The following SFMBT2 variants were observed in gnomAD, a reference collection of about 807,000 sequenced individuals.
SFMBT2 encodes Scm like with four mbt domains 2.
A neutral mutation model predicts 110.1 loss-of-function variants in SFMBT2; 38 were observed. That is an observed-to-expected ratio of 0.35 (90% CI 0.27 to 0.45). The LOEUF is 0.45. Among genes scored for constraint, SFMBT2 ranks in the 20% least tolerant of loss-of-function variants. The pLI, the probability that SFMBT2 is intolerant of heterozygous loss-of-function variation, is 1.00. For missense variants in SFMBT2, 1,011 were observed against 1,094.9 expected, an observed-to-expected ratio of 0.92 and a Z score of 1.08; for synonymous variants, 425 against 425.4, an observed-to-expected ratio of 1.00 and a Z score of 0.01.
At chr10:7,336,797 A>T (rs1015228020) in intron 4 of SFMBT2, among the ~76,000 whole-genome samples, 3 of 152,210 alleles carry the variant, frequency 2.0e-5, no homozygotes, top group African/African-American at 7.2e-5. Flanking sequence ...AAGGCCACTG[A>T]GTTTCACACT....
intron 7 of SFMBT2, among the ~76,000 whole-genome samples, chr10:7,272,724 A>G (rs1841631974): frequency 6.6e-6 from 1 of 152,156 alleles, no homozygotes; most frequent in African/African-American, 2.4e-5. Context: ...CAAAGAGGAA[A>G]TACTACAGGA....
At position 7,329,165 on chromosome 10, in the gene SFMBT2, A is replaced by G. The variant is rs142948236; in HGVS notation, c.436+38484T>C. 2.3e-3 allele frequency among the ~76,000 whole-genome samples: 355 copies of G among 152,356 alleles called. 1 individual carries two copies. Among genetic ancestry groups the G allele is most frequent in the African/African-American group, 8.2e-3 (343 of 41,590 alleles). On this transcript the variant is annotated intron_variant, in intron 4 of 20. Transcript: ENST00000397167. The stretch of plus-strand genomic sequence containing the variant: ...AACAGTACAATCTCAGTAGCATTTC[A>G]CGGACTAAGAAATGTCATGGCTGAG...
chr10:7,216,636 C>T (rs1839552304), intron 11 of SFMBT2, among the ~76,000 whole-genome samples: 1 of 152,140 alleles, frequency 6.6e-6, no homozygotes, highest in Admixed American at 6.5e-5. Flanking sequence ...GCTAGTGCCC[C>T]GTTTGCTTCT....
intron 1 of SFMBT2, among the ~76,000 whole-genome samples, chr10:7,385,818 T>C (rs1845585471): frequency 6.6e-6 from 1 of 152,100 alleles, no homozygotes; most frequent in East Asian, 1.9e-4. Flanking sequence ...GCTAACACGG[T>C]GAAACCCCGT....
intron 16 of SFMBT2, among the ~76,000 whole-genome samples, chr10:7,185,274 C>T (rs1252089074): frequency 1.3e-5 from 2 of 152,194 alleles, no homozygotes; most frequent in African/African-American, 2.4e-5. Context: ...TCACCTCGTG[C>T]GTTTTCAGGA....
At chr10:7,382,324 C>T (rs535665530) in intron 1 of SFMBT2, among the ~76,000 whole-genome samples, 1 of 152,074 alleles carries the variant, frequency 6.6e-6, no homozygotes, top group African/African-American at 2.4e-5. Context: ...GCAGGAGAAT[C>T]GCTTGAACCT....
intron 1 of SFMBT2, among the ~76,000 whole-genome samples, chr10:7,403,712 G>A (rs530589723): frequency 6.6e-6 from 1 of 152,152 alleles, no homozygotes; most frequent in African/African-American, 2.4e-5. Context: ...AAGCAATCAA[G>A]AGGTTACAAT....
At position 7,408,675 on chromosome 10, in the gene SFMBT2, C is replaced by T. The variant is rs1846289340; in HGVS notation, c.-52+2186G>A. 6.6e-6 allele frequency: 1 copy of T among 152,210 alleles called. No homozygotes were observed. The highest frequency in any genetic ancestry group is 1.5e-5 in the Non-Finnish European group (1 of 68,056). 9.4% of individuals were successfully genotyped at this position (152,210 alleles called of 1,614,324 possible). Reference sequence around the variant, plus strand: ...CGGCCGCGTCCTGGCCACGGGCGACCCCTGTCGGGAACCCTGTTCCCGGCT... The same window carrying T: ...CGGCCGCGTCCTGGCCACGGGCGACTCCTGTCGGGAACCCTGTTCCCGGCT... On this transcript the variant is annotated intron_variant, in intron 1 of 20. Coordinates refer to ENST00000397167, the MANE Select transcript of SFMBT2 (RefSeq NM_001387889.1). This position sits in a 1 kb window ranked among gnomAD's most constrained non-coding sequence, Gnocchi z 5.7.
At chr10:7,283,480 A>C (rs1444946388) in intron 6 of SFMBT2, among the ~76,000 whole-genome samples, 1 of 152,206 alleles carries the variant, frequency 6.6e-6, no homozygotes, top group African/African-American at 2.4e-5. Flanking sequence ...ATGAATAGAT[A>C]AATGGATAGA....
At chr10:7,356,555 G>A (rs1844521761) in intron 4 of SFMBT2, among the ~76,000 whole-genome samples, 1 of 152,194 alleles carries the variant, frequency 6.6e-6, no homozygotes. Context: ...AGGGATTACA[G>A]GCATGTGCCA....
chr10:7,237,219 G>A (rs1324021737), intron 9 of SFMBT2, among the ~76,000 whole-genome samples: 1 of 152,206 alleles, frequency 6.6e-6, no homozygotes, highest in African/African-American at 2.4e-5. Flanking sequence ...TACACTTGGG[G>A]ACATTGGATG....
chr10:7,359,060 G>A (rs1844622876), intron 4 of SFMBT2, among the ~76,000 whole-genome samples: 2 of 152,212 alleles, frequency 1.3e-5, no homozygotes, highest in Non-Finnish European at 2.9e-5. Flanking sequence ...GCACGAAGAA[G>A]AGTGAACAGG....
chr10:7,186,475 A>ATATATATATATATATATATATATATAT (rs1345076690), intron 16 of SFMBT2, among the ~76,000 whole-genome samples: 3 of 136,586 alleles, frequency 2.2e-5, no homozygotes, highest in South Asian at 2.2e-4. Context: ...TATATATATA[A>ATATATATATATATATATATATATATAT]AAATATTTTA....
chr10:7,323,584 T>C (rs1040104996), intron 4 of SFMBT2, among the ~76,000 whole-genome samples: 2 of 151,744 alleles, frequency 1.3e-5, no homozygotes, highest in Admixed American at 6.6e-5. Flanking sequence ...ACTATAGTGG[T>C]TTTTTCAATC....
chr10:7,290,894 G>A (rs974153557), intron 4 of SFMBT2, among the ~76,000 whole-genome samples: 2 of 152,206 alleles, frequency 1.3e-5, no homozygotes, highest in Non-Finnish European at 2.9e-5. Flanking sequence ...AAAGGCAGAA[G>A]ATTAGCATCA....
At chr10:7,254,182 C>T (rs1840916071) in intron 7 of SFMBT2, among the ~76,000 whole-genome samples, 1 of 152,066 alleles carries the variant, frequency 6.6e-6, no homozygotes, top group Non-Finnish European at 1.5e-5. Flanking sequence ...AAATATTTAT[C>T]GAATTAAACT....
At chr10:7,185,420 G>A (rs1838370122) in intron 16 of SFMBT2, among the ~76,000 whole-genome samples, 2 of 152,158 alleles carry the variant, frequency 1.3e-5, no homozygotes, top group Admixed American at 1.3e-4. Flanking sequence ...ACCTGCGACA[G>A]TTCATAAGAC....
At chr10:7,310,893 A>C (rs968567223) in intron 4 of SFMBT2, among the ~76,000 whole-genome samples, 44 of 152,076 alleles carry the variant, frequency 2.9e-4, no homozygotes, top group African/African-American at 9.9e-4. Flanking sequence ...TAAAAATACA[A>C]AAAATTAACT....
chr10:7,206,547 C>G, intron 11 of SFMBT2: 1 of 985,410 alleles, frequency 1.0e-6, no homozygotes. Context: ...AGTTTGTGGC[C>G]TGTAGACTTT....
Sources: gnomAD v4.1 joint callset for allele counts (sites outside exome capture counted in the v4.1 genomes callset) on GRCh38, gnomAD v4.1.1 for gene constraint, Gnocchi (gnomAD v3.1) non-coding constraint, MANE v1.5 for transcripts, NCBI Gene and HGNC (gene_info 2026-07-23, HGNC 2026-07-21) for gene names.